The following XPC variants were observed in gnomAD, a reference collection of about 807,000 sequenced individuals.
XPC encodes the protein XPC complex subunit, DNA damage recognition and repair factor.
XPC carries 76 observed loss-of-function variants against 95.8 expected under a neutral mutation model. The ratio of observed to expected loss-of-function variants is 0.79; its 90% CI spans 0.66 to 0.96. The LOEUF (loss-of-function observed/expected upper bound fraction) is 0.96, where lower values mean the gene tolerates loss of function less well. XPC is among the 40% of genes least tolerant of loss of function. The probability of loss-of-function intolerance (pLI) is 0.00; values close to 1 mark genes in which losing one functional copy is unlikely to be tolerated. For synonymous variants in XPC, 442 were observed against 442.1 expected, an observed-to-expected ratio of 1.00 and a Z score of 0.00; for missense variants, 1,146 against 1,179.8, an observed-to-expected ratio of 0.97 and a Z score of 0.42.
At chr3:14,162,274 T>C (rs1272800050) in intron 7 of XPC, among the ~76,000 whole-genome samples, 1 of 152,102 alleles carries the variant, frequency 6.6e-6, no homozygotes, top group Non-Finnish European at 1.5e-5. Context: ...TTCACAGAAA[T>C]GGAAAAACAG....
At chr3:14,178,153 T>A (rs1696912225) in intron 1 of XPC, among the ~76,000 whole-genome samples, 2 of 152,242 alleles carry the variant, frequency 1.3e-5, no homozygotes, top group African/African-American at 4.8e-5. Flanking sequence ...CCGTCTGTCT[T>A]CCTGGGACAC....
Position 14,154,433 on chromosome 3 carries a change from T to C in XPC, c.2033+1902A>G, listed in dbSNP as rs562507115. Among the ~76,000 whole-genome samples the C allele has an allele frequency of 5.3e-5, 8 of 152,154 alleles. 1 individual carries two copies. The highest frequency in any genetic ancestry group is 1.9e-4 in the African/African-American group (8 of 41,494). On this transcript the variant is annotated intron_variant, in intron 10 of 15. Transcript: ENST00000285021. ...TTGATGGATGAAGGCACAAACAAAA[T>C]GTGGTCCACCCACACAATGGAGTAT...
In XPC at chr3:14,158,805, G is replaced by C. The variant is rs1696048516; in HGVS notation, c.1078C>G (p.Pro360Ala). The change falls in exon 9 of 16, where the codon CCA becomes GCA. Residue 360 changes from proline to alanine, a missense_variant. Physicochemically the swap from Pro to Ala is conservative, Grantham distance 27 (BLOSUM62 -1). Coordinates refer to ENST00000285021, the MANE Select transcript of XPC (RefSeq NM_004628.5). The surrounding 1 kb of genome is among the most constrained non-coding windows in gnomAD (Gnocchi z 5.2). ...TGTTTGGTTCCTTTGCTGGTCTTTG[G>C]TTTGGTGTGGTTTTCTAGAACTTGG... ...SSQVLENHTK[P>A]KTSKGTKQEE... is the part of the protein sequence containing the mutation. The C allele has an allele frequency of 6.2e-7, 1 of 1,613,912 alleles. No homozygotes were observed. Among genetic ancestry groups the C allele is most frequent in the Non-Finnish European group, 8.5e-7 (1 of 1,179,874 alleles).
intron 1 of XPC, among the ~76,000 whole-genome samples, chr3:14,174,717 A>G (rs1026897264): frequency 4.6e-5 from 7 of 152,198 alleles, no homozygotes; most frequent in African/African-American, 1.2e-4. Flanking sequence ...GAAAAACGAT[A>G]TATGATGTAA....
rs182189497 is a variant in XPC, at chr3:14,152,362, C to T, written c.2088G>A (p.Val696=). ...TGTAGGGTACTTCTCCAAGCCTCAC[C>T]ACTCTTGCTTTCTTCAGCCACGTGT... The part of the protein sequence containing the change: ...SRDTWLKKAR[V]VRLGEVPYKM... Residue 696 remains valine (V), a synonymous_variant, in exon 11 of 16, where the codon GTG becomes GTA. Coordinates refer to ENST00000285021, the MANE Select transcript of XPC (RefSeq NM_004628.5). 7.7e-5 allele frequency: 124 copies of T among 1,613,400 alleles called. No individual in the cohort carries two copies. The African/African-American group carries it at 1.5e-3, about 19-fold the overall frequency.
intron 9 of XPC, among the ~76,000 whole-genome samples, chr3:14,156,986 G>A (rs927542034): frequency 6.6e-6 from 1 of 152,304 alleles, no homozygotes; most frequent in Middle Eastern, 3.4e-3. Context: ...TTTCTCAGTA[G>A]GCAATTCACT....
chr3:14,147,594 T>TA (rs1158678613), intron 14 of XPC: 8 of 613,672 alleles, frequency 1.3e-5, no homozygotes, highest in Non-Finnish European at 2.3e-5. Flanking sequence ...TTTTAATCGT[T>TA]ACTGACTCCA....
At chr3:14,155,866 C>T (rs1302538953) in intron 10 of XPC, among the ~76,000 whole-genome samples, 1 of 152,122 alleles carries the variant, frequency 6.6e-6, no homozygotes, top group East Asian at 1.9e-4. Context: ...CCCATTTTAA[C>T]CATTTTTAAG....
rs1485275099 is a variant in XPC, at chr3:14,147,358, C to T, written c.2536G>A (p.Gly846Arg). 6.2e-7 allele frequency: 1 copy of T among 1,610,624 alleles called. No homozygotes were observed. The highest frequency in any genetic ancestry group is 1.1e-5 in the South Asian group (1 of 89,964). The change falls in exon 15 of 16, where the codon GGG becomes AGG. Residue 846 changes from glycine (G) to arginine (R), a missense_variant. Coordinates refer to ENST00000285021, the MANE Select transcript of XPC (RefSeq NM_004628.5). ...CCTTTGGCCAGCAACTTCCAGTTCC[C>T]TAGAGCCCGCTTCTCCTTTTTCTGC... Reference protein sequence around the residue: ...EKEKKEKRALGNWKLLAKGLL... With the variant: ...EKEKKEKRALRNWKLLAKGLL...
intron 6 of XPC, 99 bp downstream of exon 6, chr3:14,165,329 C>A (rs540442654): frequency 7.2e-7 from 1 of 1,396,184 alleles, no homozygotes; most frequent in Admixed American, 2.5e-5. Context: ...ACATAGTTAC[C>A]GCCTCAGGGA....
rs1420715921 is a variant in XPC at position 14,152,421 on chromosome 3, G to A, written c.2034-5C>T. 1.9e-6 allele frequency: 3 copies of A among 1,609,018 alleles called. No individual in the cohort carries two copies. Among genetic ancestry groups the A allele is most frequent in the African/African-American group, 2.7e-5 (2 of 74,810 alleles). ...TGCAGAGTGTGCACACAATCCCTGTGGAACCAACACAGGACACAAAGGTAA... is the reference window on the plus strand; with the variant it reads ...TGCAGAGTGTGCACACAATCCCTGTAGAACCAACACAGGACACAAAGGTAA... On this transcript the variant is annotated splice_polypyrimidine_tract_variant and splice_region_variant and intron_variant, in intron 10 of 15. Transcript: ENST00000285021.
intron 2 of XPC, 83 bp from the exon 3 acceptor site, chr3:14,170,633 C>G: frequency 9.8e-7 from 1 of 1,023,874 alleles, no homozygotes; most frequent in Non-Finnish European, 1.4e-6. Context: ...TTTTTAAAAC[C>G]CCTCCTATTT....
chr3:14,145,213 T>C lies in XPC; in HGVS notation c.*728A>G, dbSNP rs1328261165. ...GTCATTTCTCCTTAGTACAGAGAGC[T>C]TTATACATTTTATCTAGTAATGAAT... is the stretch of plus-strand genomic sequence containing the variant. On this transcript the variant is annotated 3_prime_UTR_variant, in exon 16 of 16. Coordinates refer to ENST00000285021, the MANE Select transcript of XPC (RefSeq NM_004628.5). 1.5e-5 allele frequency: 9 copies of C among 614,822 alleles called. No individual in the cohort carries two copies. The highest frequency in any genetic ancestry group is 2.7e-5 in the Admixed American group (1 of 37,382). The allele number at this position is 614,822 out of a possible 1,614,324, so 38.1% of individuals were successfully genotyped here. A position where few individuals can be genotyped will look rare whatever the true frequency, so the allele number is the denominator to read the frequency against.
At chr3:14,164,339 G>A (rs750458920) in intron 7 of XPC, 1 of 156,126 alleles carries the variant, frequency 6.4e-6, no homozygotes, top group Non-Finnish European at 1.4e-5. Context: ...GGAGCACTCT[G>A]CCATCACGAT....
chr3:14,167,052 AG>A, intron 5 of XPC, 116 bp downstream of exon 5: 1 of 848,576 alleles, frequency 1.2e-6, no homozygotes, highest in Non-Finnish European at 1.7e-6. Flanking sequence ...AAAGGCTCAG[AG>A]AGAGTAAGAA....
At chr3:14,150,936 A>G (rs968783236) in intron 11 of XPC, among the ~76,000 whole-genome samples, 2 of 152,188 alleles carry the variant, frequency 1.3e-5, no homozygotes, top group East Asian at 3.8e-4. Flanking sequence ...TGCGGGACTC[A>G]GACTAAAGGC....
Position 14,178,486 on chromosome 3 carries a change from C to T in XPC, c.83G>A (p.Arg28Gln), listed in dbSNP as rs1390055937. The change falls in exon 1 of 16, where the codon CGG becomes CAG. Residue 28 changes from arginine to glutamine, a missense_variant. Arg to Gln is a conservative substitution (Grantham distance 43, BLOSUM62 1). Transcript: ENST00000285021. The stretch of plus-strand genomic sequence containing the variant: ...CTCACCCTCCTCCTCCTCCTCACGC[C>T]GGGCCTTGCTCTTGGCCTTGGATTT... ...SQKSKAKSKA[R>Q]REEEEEDAFE... is the part of the protein sequence containing the mutation. The T allele has an allele frequency of 1.2e-6, 2 of 1,611,436 alleles. No homozygotes were observed. The highest frequency in any genetic ancestry group is 1.7e-5 in the Admixed American group (1 of 59,960).
chr3:14,169,032 C>T lies in XPC; in HGVS notation c.413-652G>A, dbSNP rs183788552. ...TACTGGCAAAGAATGCATCTAATGC[C>T]AGATCTTGGTCTCTATACATGAATC... On this transcript the variant is annotated intron_variant, in intron 3 of 15. Coordinates refer to ENST00000285021, the MANE Select transcript of XPC (RefSeq NM_004628.5). 1.3e-3 allele frequency among the ~76,000 whole-genome samples: 194 copies of T among 152,266 alleles called. 1 individual carries two copies. The highest frequency in any genetic ancestry group is 2.4e-3 in the Non-Finnish European group (162 of 68,014).
intron 9 of XPC, 94 bp from the exon 10 acceptor site, chr3:14,156,589 C>G: frequency 1.3e-6 from 2 of 1,564,690 alleles, no homozygotes; most frequent in Non-Finnish European, 1.7e-6. Context: ...GTTCTGACAA[C>G]AGATGGTGGA....
Sources: allele counts gnomAD v4.1 joint callset (sites outside exome capture counted in the v4.1 genomes callset), GRCh38; gene constraint gnomAD v4.1.1; non-coding constraint Gnocchi (gnomAD v3.1); transcripts MANE v1.5; gene names NCBI Gene and HGNC (gene_info 2026-07-23, HGNC 2026-07-21).